Variants in ANKS6 observed in about 807,000 individuals in gnomAD.
The protein encoded by ANKS6 is ankyrin repeat and SAM domain-containing protein 6.
Under a neutral mutation model 77.9 loss-of-function variants are expected in ANKS6, and 47 were observed. The ratio of observed to expected loss-of-function variants is 0.60; its 90% confidence interval spans 0.48 to 0.77. The LOEUF is 0.77. Ranked by LOEUF, ANKS6 falls within the 30% of genes least tolerant of loss-of-function variation. The pLI is 0.00. For synonymous variants in ANKS6, 488 were observed against 501.7 expected (o/e 0.97, Z 0.37); for missense variants, 1,150 against 1,159.1 (o/e 0.99, Z 0.11).
At chr9:98,754,003 C>T (rs1422066823) in intron 12 of ANKS6, among the ~76,000 whole-genome samples, 2 of 152,186 alleles carry the variant, frequency 1.3e-5, no homozygotes, top group Admixed American at 6.5e-5. Context: ...TTCCCAGTGT[C>T]GTGGTCCAGC....
intron 10 of ANKS6, among the ~76,000 whole-genome samples, chr9:98,769,144 A>G (rs149897739): frequency 0.016 from 2,319 of 149,214 alleles, 63 homozygotes; most frequent in African/African-American, 0.054. Flanking sequence ...AAAAAAAAAG[A>G]AAGAAAGAAA....
intron 2 of ANKS6, 136 bp from the exon 3 acceptor site, chr9:98,785,012 T>C: frequency 2.8e-6 from 2 of 717,110 alleles, no homozygotes; most frequent in Non-Finnish European, 4.7e-6. Flanking sequence ...ACCTACGTAA[T>C]GGACAAATCC....
At position 98,796,136 on chromosome 9, in the gene ANKS6, G is replaced by C; in HGVS notation, c.356C>G (p.Ala119Gly). The C allele has an allele frequency of 2.2e-6, 3 of 1,375,854 alleles. No individual in the cohort carries two copies. The highest frequency in any genetic ancestry group is 1.5e-5 in the African/African-American group (1 of 66,518). 85.2% of individuals were successfully genotyped at this position (1,375,854 alleles called of 1,614,324 possible). ...HYGWSALMQAARFGHVSVAHL... is the reference protein window; with the variant it reads ...HYGWSALMQAGRFGHVSVAHL... The stretch of plus-strand genomic sequence containing the variant: ...CCCCCGGGCCCCGCCGCCTCACCTG[G>C]CCGCCTGCATGAGCGCGCTCCAGCC... Residue 119 changes from alanine to glycine, a missense_variant, in exon 1 of 15, where the codon GCC (alanine) becomes GGC (glycine). Coordinates refer to ENST00000353234, the MANE Select transcript of ANKS6 (RefSeq NM_173551.5).
At chr9:98,757,473 G>T (rs140858461) in intron 11 of ANKS6, among the ~76,000 whole-genome samples, 1 of 152,164 alleles carries the variant, frequency 6.6e-6, no homozygotes, top group Non-Finnish European at 1.5e-5. Context: ...CCCATAATTA[G>T]ATGTGCTTGT....
At chr9:98,793,623 C>G (rs1412767896) in intron 1 of ANKS6, among the ~76,000 whole-genome samples, 1 of 151,872 alleles carries the variant, frequency 6.6e-6, no homozygotes, top group Non-Finnish European at 1.5e-5. Flanking sequence ...CAGGTTCAAG[C>G]GATTCTCCTG....
At position 98,790,263 on chromosome 9, in the gene ANKS6, T is replaced by G. The variant is rs1450602554; in HGVS notation, c.703A>C (p.Thr235Pro). Residue 235 changes from threonine to proline, a missense_variant, in exon 2 of 15, where the codon ACT (threonine) becomes CCT (proline). Physicochemically the swap from Thr to Pro is conservative, Grantham distance 38. Transcript: ENST00000353234. ...TGCTGGGCCACTCCAAGCCGCCCAG[T>G]GAGTGCGGCCAGCATCAGCGGGCTC... is the stretch of plus-strand genomic sequence containing the variant. ...GWSPLMLAAL[T>P]GRLGVAQQLV... 3.1e-6 allele frequency: 5 copies of G among 1,604,870 alleles called. No homozygotes were observed. Among genetic ancestry groups the G allele is most frequent in the African/African-American group, 1.3e-5 (1 of 74,742 alleles).
At chr9:98,771,080 G>A in intron 9 of ANKS6, 34 bp from the exon 10 acceptor site, 1 of 1,474,718 alleles carries the variant, frequency 6.8e-7, no homozygotes, top group Non-Finnish European at 9.1e-7. Flanking sequence ...CACTTAGGGA[G>A]GCTGCTCCTC....
At chr9:98,736,758 A>G in intron 14 of ANKS6, 135 bp from the exon 15 acceptor site, 1 of 1,121,700 alleles carries the variant, frequency 8.9e-7, no homozygotes, top group South Asian at 1.4e-5. Flanking sequence ...TAAATTACCT[A>G]ACTGAAAGAG....
At chr9:98,785,305 T>C (rs1338058672) in intron 2 of ANKS6, among the ~76,000 whole-genome samples, 1 of 152,240 alleles carries the variant, frequency 6.6e-6, no homozygotes, top group Non-Finnish European at 1.5e-5. Context: ...ACCCCTGAGA[T>C]ATCGAGCAGC....
intron 13 of ANKS6, among the ~76,000 whole-genome samples, chr9:98,749,856 A>G (rs1280814342): frequency 1.3e-5 from 2 of 152,184 alleles, no homozygotes; most frequent in Non-Finnish European, 1.5e-5. Flanking sequence ...GGTGGGGACA[A>G]TGAGTGATTC....
chr9:98,738,178 A>T (rs1275350211), intron 14 of ANKS6, among the ~76,000 whole-genome samples: 1 of 152,254 alleles, frequency 6.6e-6, no homozygotes, highest in Non-Finnish European at 1.5e-5. Flanking sequence ...GGCTTAGACA[A>T]GGATTTCATG....
intron 6 of ANKS6, among the ~76,000 whole-genome samples, chr9:98,779,592 T>C (rs1314663176): frequency 6.6e-6 from 1 of 152,126 alleles, no homozygotes. Context: ...AGACAAGTTC[T>C]TGTTCTGTCG....
intron 11 of ANKS6, among the ~76,000 whole-genome samples, chr9:98,760,192 C>A (rs34317897): frequency 0.011 from 1,640 of 152,322 alleles, 10 homozygotes; most frequent in Non-Finnish European, 0.018. Context: ...CTCCCACACT[C>A]TTCCTGGGCA....
At chr9:98,738,603 T>C (rs1588313127) in intron 14 of ANKS6, among the ~76,000 whole-genome samples, 1 of 149,378 alleles carries the variant, frequency 6.7e-6, no homozygotes, top group African/African-American at 2.5e-5. Flanking sequence ...CAGTAGATGC[T>C]GGAATGGAGG....
At chr9:98,771,704 C>T (rs7041477) in intron 9 of ANKS6, among the ~76,000 whole-genome samples, 1 of 152,132 alleles carries the variant, frequency 6.6e-6, no homozygotes, top group Non-Finnish European at 1.5e-5. Flanking sequence ...CGGCTCCCCC[C>T]CATCCTTACC....
chr9:98,756,534 T>C lies in ANKS6; in HGVS notation c.2212A>G (p.Thr738Ala), dbSNP rs202142651. 262 of 1,602,172 alleles carry C rather than the reference T, an allele frequency of 1.6e-4. No homozygotes were observed. The highest frequency in any genetic ancestry group is 2.2e-4 in the Non-Finnish European group (255 of 1,175,512). The change falls in exon 12 of 15, where the codon ACG (threonine) becomes GCG (alanine). Residue 738 changes from threonine (T) to alanine (A), a missense_variant. Physicochemically the swap from Thr to Ala is moderately conservative, Grantham distance 58 (BLOSUM62 0). Coordinates refer to ENST00000353234, the MANE Select transcript of ANKS6 (RefSeq NM_173551.5). ...TTSKSTSPTL[T>A]PSPSPKGHTA... ...TGCCCTTTGGGTGAGGGGGAGGGCGTGAGGGTTGGAGAGGTGCTCTTGGAG... is the reference window on the plus strand; with the variant it reads ...TGCCCTTTGGGTGAGGGGGAGGGCGCGAGGGTTGGAGAGGTGCTCTTGGAG...
At position 98,778,437 on chromosome 9, in the gene ANKS6, C is replaced by A. The variant is rs530245376; in HGVS notation, c.1369-13G>T. 13 of 1,613,006 alleles carry A rather than the reference C, an allele frequency of 8.1e-6. No homozygotes were observed. In the African/African-American group the frequency reaches 1.2e-4, roughly 15 times the overall value. On this transcript the variant is annotated splice_polypyrimidine_tract_variant and intron_variant, in intron 6 of 14. Coordinates refer to ENST00000353234, the MANE Select transcript of ANKS6 (RefSeq NM_173551.5). ...GGTTCCACCAGGACTGCCAAAGGAACGCAGAGCAGAAGTCATGCTCCAGGA... is the reference window on the plus strand; with the variant it reads ...GGTTCCACCAGGACTGCCAAAGGAAAGCAGAGCAGAAGTCATGCTCCAGGA...
chr9:98,772,259 G>A (rs1427252360), intron 9 of ANKS6, among the ~76,000 whole-genome samples: 1 of 152,218 alleles, frequency 6.6e-6, no homozygotes, highest in Non-Finnish European at 1.5e-5. Context: ...AGAAAAGGCA[G>A]AGGGAATTTT....
chr9:98,749,524 C>A (rs1354024582), intron 13 of ANKS6, among the ~76,000 whole-genome samples: 1 of 152,096 alleles, frequency 6.6e-6, no homozygotes, highest in African/African-American at 2.4e-5. Flanking sequence ...GCAGACATGC[C>A]AGGTCAGAAA....
Sources: allele counts gnomAD v4.1 joint callset (sites outside exome capture counted in the v4.1 genomes callset), GRCh38; gene constraint gnomAD v4.1.1; transcripts MANE v1.5; gene names NCBI Gene and HGNC (gene_info 2026-07-23, HGNC 2026-07-21).